TECRL: variants seen among roughly 807,000 people sequenced by gnomAD.
The protein encoded by TECRL is trans-2,3-enoyl-CoA reductase-like.
Under a neutral mutation model 52.8 loss-of-function variants are expected in TECRL, and 63 were observed. The ratio of observed to expected loss-of-function variants is 1.19; its 90% CI spans 0.97 to 1.47. The LOEUF (loss-of-function observed/expected upper bound fraction) is 1.47. Among genes scored for constraint, TECRL ranks in the 40% most tolerant of loss-of-function variants. The pLI is 0.00. For missense variants in TECRL, 482 were observed against 429.6 expected, an observed-to-expected ratio of 1.12 and a Z score of -1.08; for synonymous variants, 164 against 141.9, an observed-to-expected ratio of 1.16 and a Z score of -1.10.
At chr4:64,358,722 C>T (rs1577930741) in intron 2 of TECRL, among the ~76,000 whole-genome samples, 1 of 151,636 alleles carries the variant, frequency 6.6e-6, no homozygotes, top group East Asian at 1.9e-4. Flanking sequence ...ATAACATACA[C>T]AAATTGAATT....
intron 4 of TECRL, among the ~76,000 whole-genome samples, chr4:64,321,600 A>G (rs1259890678): frequency 6.6e-6 from 1 of 152,138 alleles, no homozygotes; most frequent in Non-Finnish European, 1.5e-5. Flanking sequence ...TAAATATCAT[A>G]TTAACATTTC....
chr4:64,391,692 A>T (rs958071960), intron 1 of TECRL, among the ~76,000 whole-genome samples: 3 of 151,892 alleles, frequency 2.0e-5, no homozygotes, highest in Non-Finnish European at 4.4e-5. Context: ...CATTGAAGAC[A>T]TTAACAGAGA....
intron 2 of TECRL, among the ~76,000 whole-genome samples, chr4:64,330,724 T>C (rs936102606): frequency 1.3e-5 from 2 of 152,062 alleles, no homozygotes; most frequent in South Asian, 2.1e-4. Context: ...TATTAGACTA[T>C]AGCTGATCCT....
At chr4:64,277,309 A>G (rs1341274395), downstream of TECRL, among the ~76,000 whole-genome samples, 1 of 151,906 alleles carries the variant, frequency 6.6e-6, no homozygotes, top group Non-Finnish European at 1.5e-5. Context: ...AGTTACAAAA[A>G]CAGAAACTAT....
chr4:64,322,739 T>C lies in TECRL; in HGVS notation c.385A>G (p.Ile129Val), dbSNP rs1717992347. The stretch of plus-strand genomic sequence containing the variant: ...AGGTCTGTAGCATACAGTGTGACAA[T>C]GGAGGAAGCTGCAATACTTTGAATG... ...ITIQSIAASS[I>V]VTLYATDLGQ... The change falls in exon 4 of 12, where the codon ATT becomes GTT. Residue 129 changes from isoleucine to valine, a missense_variant. Physicochemically the swap from Ile to Val is conservative, Grantham distance 29 (BLOSUM62 3). Transcript: ENST00000381210. 1 of 1,612,506 alleles carries C rather than the reference T, an allele frequency of 6.2e-7. No homozygotes were observed.
At chr4:64,312,603 T>A (rs1717115389) in intron 5 of TECRL, among the ~76,000 whole-genome samples, 3 of 152,066 alleles carry the variant, frequency 2.0e-5, no homozygotes, top group African/African-American at 7.2e-5. Flanking sequence ...CTCTAAAATT[T>A]TTTTTTAAGC....
At chr4:64,376,344 A>G (rs539845670) in intron 1 of TECRL, among the ~76,000 whole-genome samples, 13 of 152,046 alleles carry the variant, frequency 8.6e-5, no homozygotes, top group African/African-American at 3.1e-4. Context: ...AATTTGTGTT[A>G]TGCTATTAAT....
At chr4:64,390,154 A>G (rs769021022) in intron 1 of TECRL, among the ~76,000 whole-genome samples, 1 of 151,934 alleles carries the variant, frequency 6.6e-6, no homozygotes, top group Non-Finnish European at 1.5e-5. Context: ...TTCCAACTGA[A>G]CAAACACATT....
intron 7 of TECRL, 139 bp downstream of exon 7, chr4:64,305,027 C>A: frequency 1.7e-6 from 1 of 587,940 alleles, no homozygotes. Context: ...CCTACATAAA[C>A]ATTTAAAGAA....
chr4:64,319,327 G>C (rs1717732951), intron 4 of TECRL, among the ~76,000 whole-genome samples: 1 of 87,586 alleles, frequency 1.1e-5, no homozygotes, highest in Admixed American at 1.1e-4. Context: ...TCATTACAGT[G>C]TAAAACATAA....
intron 1 of TECRL, among the ~76,000 whole-genome samples, chr4:64,403,110 C>T (rs2109786234): frequency 6.6e-6 from 1 of 152,066 alleles, no homozygotes; most frequent in South Asian, 2.1e-4. Flanking sequence ...CTTGTTTTCC[C>T]TTATCATCTT....
chr4:64,355,422 A>G (rs1201095190), intron 2 of TECRL, among the ~76,000 whole-genome samples: 5 of 152,174 alleles, frequency 3.3e-5, no homozygotes, highest in African/African-American at 1.2e-4. Flanking sequence ...AATTAAAAAA[A>G]AAATTACATT....
chr4:64,345,930 A>AAAAAAAAAAC (rs1719943099), intron 2 of TECRL, among the ~76,000 whole-genome samples: 2 of 147,374 alleles, frequency 1.4e-5, no homozygotes, highest in African/African-American at 5.0e-5. Context: ...AAAAAAAAAA[A>AAAAAAAAAAC]ACATTTATCA....
chr4:64,308,635 C>T (rs1724489833), intron 6 of TECRL, among the ~76,000 whole-genome samples: 1 of 152,112 alleles, frequency 6.6e-6, no homozygotes, highest in African/African-American at 2.4e-5. Context: ...TTAATAAATC[C>T]TACTCTGCCC....
At chr4:64,371,173 C>G (rs923031690) in intron 2 of TECRL, among the ~76,000 whole-genome samples, 16 of 151,496 alleles carry the variant, frequency 1.1e-4, no homozygotes, top group Non-Finnish European at 2.2e-4. Context: ...GAAAACAAAG[C>G]ACTTTTAACT....
intron 4 of TECRL, among the ~76,000 whole-genome samples, chr4:64,316,787 A>G (rs1170802400): frequency 2.0e-5 from 3 of 152,196 alleles, no homozygotes; most frequent in African/African-American, 7.2e-5. Flanking sequence ...CTTATTTTGA[A>G]GACAAACACT....
At chr4:64,305,599 A>G (rs1393611909) in intron 6 of TECRL, among the ~76,000 whole-genome samples, 1 of 152,186 alleles carries the variant, frequency 6.6e-6, no homozygotes, top group African/African-American at 2.4e-5. Context: ...TTTGCTCAAA[A>G]GGGACTTTCC....
intron 2 of TECRL, among the ~76,000 whole-genome samples, chr4:64,344,732 T>A (rs539350931): frequency 6.6e-6 from 1 of 152,196 alleles, no homozygotes; most frequent in Non-Finnish European, 1.5e-5. Context: ...GAGGAATTGG[T>A]AAGAGAAAAC....
intron 1 of TECRL, among the ~76,000 whole-genome samples, chr4:64,400,499 G>T (rs1038275898): frequency 6.6e-6 from 1 of 152,140 alleles, no homozygotes; most frequent in African/African-American, 2.4e-5. Flanking sequence ...TGAGATTTTG[G>T]AGGGACCAAG....
Sources: allele counts gnomAD v4.1 joint callset (sites outside exome capture counted in the v4.1 genomes callset), GRCh38; gene constraint gnomAD v4.1.1; transcripts MANE v1.5; gene names NCBI Gene and HGNC (gene_info 2026-07-23, HGNC 2026-07-21).